Variants in SETBP1 observed in about 807,000 individuals in gnomAD.
SETBP1 encodes SET binding protein 1, also known as SET-binding protein.
A neutral mutation model predicts 101.0 loss-of-function variants in SETBP1; 9 were observed. That is an observed-to-expected ratio of 0.09 (90% CI 0.05 to 0.16). The LOEUF is 0.16. Among genes scored for constraint, SETBP1 ranks in the 10% least tolerant of loss-of-function variants. SETBP1 has a pLI of 1.00. For missense variants in SETBP1, 1,858 were observed against 2,033.8 expected, an observed-to-expected ratio of 0.91 and a Z score of 1.66; for synonymous variants, 818 against 788.5, an observed-to-expected ratio of 1.04 and a Z score of -0.63.
chr18:44,755,350 G>A (rs550173280), intron 2 of SETBP1, among the ~76,000 whole-genome samples: 12 of 152,192 alleles, frequency 7.9e-5, no homozygotes, highest in East Asian at 1.9e-4. Context: ...ACATGAGTCC[G>A]TGGACTGAGA....
chr18:44,958,037 C>T (rs189302968), intron 4 of SETBP1, among the ~76,000 whole-genome samples: 1 of 152,286 alleles, frequency 6.6e-6, no homozygotes, highest in African/African-American at 2.4e-5. Context: ...TCACACTAAC[C>T]AGCTGAAAGA....
intron 4 of SETBP1, among the ~76,000 whole-genome samples, chr18:44,971,433 T>C (rs1470874157): frequency 4.6e-5 from 7 of 152,180 alleles, no homozygotes; most frequent in Non-Finnish European, 1.0e-4. Context: ...TAGTTCTAGA[T>C]CCCTGAGGAA....
At chr18:44,794,399 T>G (rs536254815) in intron 2 of SETBP1, among the ~76,000 whole-genome samples, 3 of 152,152 alleles carry the variant, frequency 2.0e-5, no homozygotes, top group Non-Finnish European at 4.4e-5. Flanking sequence ...CTTGCTCTTC[T>G]CATGCTCAGG....
At chr18:44,767,279 A>C (rs1165452329) in intron 2 of SETBP1, among the ~76,000 whole-genome samples, 2 of 152,128 alleles carry the variant, frequency 1.3e-5, no homozygotes, top group East Asian at 3.8e-4. Flanking sequence ...CCTTCTTACT[A>C]GTGTGAGTGT....
At chr18:44,907,786 A>G (rs537726814) in intron 3 of SETBP1, among the ~76,000 whole-genome samples, 2 of 152,190 alleles carry the variant, frequency 1.3e-5, no homozygotes, top group Admixed American at 6.5e-5. Flanking sequence ...TTTTCCTTTT[A>G]TTGTATGAGG....
intron 4 of SETBP1, among the ~76,000 whole-genome samples, chr18:45,014,154 T>G (rs2145391014): frequency 6.6e-6 from 1 of 152,302 alleles, no homozygotes; most frequent in Middle Eastern, 3.4e-3. Flanking sequence ...GCAGCCAGAA[T>G]GTAGGCTGAG....
At chr18:44,728,146 C>A (rs145845900) in intron 2 of SETBP1, among the ~76,000 whole-genome samples, 62 of 152,284 alleles carry the variant, frequency 4.1e-4, no homozygotes, top group African/African-American at 1.4e-3. Context: ...ACTTCTACTC[C>A]ATTGTGATCA....
At chr18:45,048,827 C>A (rs2073664984) in intron 5 of SETBP1, among the ~76,000 whole-genome samples, 1 of 150,162 alleles carries the variant, frequency 6.7e-6, no homozygotes, top group Non-Finnish European at 1.5e-5. Flanking sequence ...AAAAAATTAG[C>A]CGGGCGCGGT....
At position 44,919,207 on chromosome 18, in the gene SETBP1, G is replaced by A. The variant is rs186975137; in HGVS notation, c.541-30674G>A. 1.7e-4 allele frequency among the ~76,000 whole-genome samples: 26 copies of A among 152,262 alleles called. No individual in the cohort carries two copies. In the South Asian group the frequency reaches 2.3e-3, roughly 13 times the overall value. On this transcript the variant is annotated intron_variant, in intron 3 of 5. Coordinates refer to ENST00000649279, the MANE Select transcript of SETBP1 (RefSeq NM_015559.3). ...AAATATAATACATTAAGAGAATTAA[G>A]GAATTAACCATAGGGTTCTGACTCT...
At chr18:44,773,836 T>TTTTGTGTGTGTG (rs1280926160) in intron 2 of SETBP1, among the ~76,000 whole-genome samples, 1 of 36,376 alleles carries the variant, frequency 2.7e-5, no homozygotes, top group African/African-American at 1.0e-4. Flanking sequence ...CTCTCTCTGT[T>TTTTGTGTGTGTG]TATGTGTGTG....
chr18:45,009,625 C>T lies in SETBP1; in HGVS notation c.4001-28860C>T, dbSNP rs147782179. Among the ~76,000 whole-genome samples, 713 of 152,106 alleles carry T rather than the reference C, an allele frequency of 4.7e-3. 18 individuals carry two copies. Among genetic ancestry groups the T allele is most frequent in the Admixed American group, 0.035 (533 of 15,266 alleles). On this transcript the variant is annotated intron_variant, in intron 4 of 5. Transcript: ENST00000649279. ...GGCATTGCTTCTGGCCACATGATAA[C>T]TCAAGTCTGCATTTGTATGTTTTGC...
chr18:45,007,622 T>A (rs1395087298), intron 4 of SETBP1, among the ~76,000 whole-genome samples: 1 of 152,160 alleles, frequency 6.6e-6, no homozygotes, highest in Non-Finnish European at 1.5e-5. Context: ...AGCTGTGAAT[T>A]TTTTCCATTT....
At chr18:44,700,300 G>A (rs185664704) in intron 1 of SETBP1, among the ~76,000 whole-genome samples, 5 of 152,142 alleles carry the variant, frequency 3.3e-5, no homozygotes, top group Admixed American at 2.6e-4. Flanking sequence ...ATCCTGGGGG[G>A]ACTCCTGACA....
chr18:44,808,841 C>T (rs530395035), intron 2 of SETBP1, among the ~76,000 whole-genome samples: 1 of 152,284 alleles, frequency 6.6e-6, no homozygotes, highest in African/African-American at 2.4e-5. Context: ...CATTAACCAG[C>T]TACTTATGAG....
chr18:44,918,223 T>C (rs2070491358), intron 3 of SETBP1, among the ~76,000 whole-genome samples: 1 of 152,226 alleles, frequency 6.6e-6, no homozygotes, highest in Non-Finnish European at 1.5e-5. Flanking sequence ...TGTTTACTTT[T>C]GGATCTGGTC....
intron 2 of SETBP1, among the ~76,000 whole-genome samples, chr18:44,761,544 C>T (rs1247263306): frequency 6.6e-6 from 1 of 152,158 alleles, no homozygotes; most frequent in Non-Finnish European, 1.5e-5. Flanking sequence ...CCATGTTGAT[C>T]CTAACATTCT....
intron 5 of SETBP1, among the ~76,000 whole-genome samples, chr18:45,056,624 G>A (rs898271544): frequency 3.3e-5 from 5 of 152,250 alleles, no homozygotes; most frequent in African/African-American, 1.2e-4. Flanking sequence ...AGGCAGAGAG[G>A]AGGTGAACAG....
At chr18:44,875,710 C>T (rs530327156) in intron 3 of SETBP1, among the ~76,000 whole-genome samples, 2 of 152,118 alleles carry the variant, frequency 1.3e-5, no homozygotes, top group South Asian at 4.2e-4. Flanking sequence ...TTGAATTTTA[C>T]GTGTATTTTG....
chr18:44,948,541 T>TAGATGATAGATAGAC (rs2071266292), intron 3 of SETBP1, among the ~76,000 whole-genome samples: 1 of 152,004 alleles, frequency 6.6e-6, no homozygotes, highest in Non-Finnish European at 1.5e-5. Flanking sequence ...GATAGATAGA[T>TAGATGATAGATAGAC]ATTACCAGCT....
Sources: allele counts gnomAD v4.1 joint callset (sites outside exome capture counted in the v4.1 genomes callset), GRCh38; gene constraint gnomAD v4.1.1; transcripts MANE v1.5; gene names NCBI Gene and HGNC (gene_info 2026-07-23, HGNC 2026-07-21).